Variants in SLC24A2 observed in about 807,000 individuals in gnomAD.
The protein encoded by SLC24A2 is sodium/potassium/calcium exchanger 2.
SLC24A2 carries 36 observed loss-of-function variants against 62.0 expected under a neutral mutation model. That is an observed-to-expected ratio of 0.58 (90% CI 0.44 to 0.77). SLC24A2 has a LOEUF of 0.77. Ranked by LOEUF, SLC24A2 falls within the 30% of genes least tolerant of loss-of-function variation. SLC24A2 has a pLI of 0.00. For synonymous variants in SLC24A2, 358 were observed against 294.0 expected (o/e 1.22, Z -2.23); for missense variants, 846 against 817.9 (o/e 1.03, Z -0.42).
the SLC24A2 span, among the ~76,000 whole-genome samples, chr9:20,000,581 C>T: frequency 2.6e-5 from 4 of 152,180 alleles, no homozygotes; most frequent in Admixed American, 2.6e-4. Flanking sequence ...ACAATAACTG[C>T]TGTAGGAGCT....
At chr9:19,738,608 C>T (rs887619980) in intron 2 of SLC24A2, among the ~76,000 whole-genome samples, 2 of 151,954 alleles carry the variant, frequency 1.3e-5, no homozygotes, top group Admixed American at 6.6e-5. Context: ...TTATTATTTT[C>T]AAATAAACTA....
At chr9:20,188,945 C>T in the SLC24A2 span, among the ~76,000 whole-genome samples, 150,471 of 152,310 alleles carry the variant, frequency 0.99, 74,342 homozygotes, top group Non-Finnish European at 1. Context: ...TTAATACAAG[C>T]AGGAAATCTG....
At chr9:20,008,521 T>C in the SLC24A2 span, among the ~76,000 whole-genome samples, 1 of 152,172 alleles carries the variant, frequency 6.6e-6, no homozygotes, top group South Asian at 2.1e-4. Context: ...CCTTTCCAGA[T>C]GAGGCAACTC....
chr9:19,634,219 T>C (rs1399746870), intron 2 of SLC24A2, among the ~76,000 whole-genome samples: 1 of 150,316 alleles, frequency 6.7e-6, no homozygotes, highest in Non-Finnish European at 1.5e-5. Flanking sequence ...CCCACAGCAA[T>C]ACAGGTAGTA....
At chr9:20,222,998 G>T in the SLC24A2 span, among the ~76,000 whole-genome samples, 3 of 151,948 alleles carry the variant, frequency 2.0e-5, no homozygotes, top group African/African-American at 4.8e-5. Context: ...TAGATGATAT[G>T]ATTATCTAGG....
chr9:20,209,206 C>A, the SLC24A2 span, among the ~76,000 whole-genome samples: 1 of 152,204 alleles, frequency 6.6e-6, no homozygotes, highest in East Asian at 1.9e-4. Flanking sequence ...TCAAATCAGT[C>A]AGGCTTCAAG....
chr9:19,510,703 A>G lies in SLC24A2; in HGVS notation c.*5450T>C, dbSNP rs1489323971. 1 of 152,208 alleles carries G rather than the reference A, an allele frequency of 6.6e-6. No homozygotes were observed. Among genetic ancestry groups the G allele is most frequent in the Admixed American group, 6.5e-5 (1 of 15,274 alleles). 9.4% of individuals were successfully genotyped at this position (152,208 alleles called of 1,614,324 possible). On this transcript the variant is annotated 3_prime_UTR_variant, in exon 11 of 11. Coordinates refer to ENST00000341998, the MANE Select transcript of SLC24A2 (RefSeq NM_020344.4). The stretch of plus-strand genomic sequence containing the variant: ...GACTTAGATATTTGTCTGTTTTTAA[A>G]GATTTTATTAGGTTTTCCAGTCTGT...
chr9:20,031,331 C>G, the SLC24A2 span, among the ~76,000 whole-genome samples: 2 of 131,118 alleles, frequency 1.5e-5, no homozygotes, highest in Non-Finnish European at 3.2e-5. Flanking sequence ...TGTGTGTGCC[C>G]ATATATATGT....
intron 2 of SLC24A2, among the ~76,000 whole-genome samples, chr9:19,647,050 ACACACACACACACGCGCG>A (rs61284784): frequency 0.096 from 6,113 of 63,402 alleles, 198 homozygotes; most frequent in East Asian, 0.21. Flanking sequence ...CTCTCTTTCC[ACACACACACACACGCGCG>A]CACACACACA....
chr9:19,866,048 G>A, the SLC24A2 span, among the ~76,000 whole-genome samples: 1 of 152,116 alleles, frequency 6.6e-6, no homozygotes, highest in African/African-American at 2.4e-5. Flanking sequence ...AGATTAGAAT[G>A]GACCTTTCTC....
At chr9:20,218,547 T>G in the SLC24A2 span, among the ~76,000 whole-genome samples, 1 of 152,144 alleles carries the variant, frequency 6.6e-6, no homozygotes, top group Non-Finnish European at 1.5e-5. Flanking sequence ...AGTGAGGGGT[T>G]TCTAAACTTG....
the SLC24A2 span, among the ~76,000 whole-genome samples, chr9:20,306,692 C>T: frequency 2.0e-5 from 3 of 152,044 alleles, no homozygotes; most frequent in Admixed American, 2.0e-4. Flanking sequence ...ATGTTATTTT[C>T]TTTTTTTGTT....
At chr9:19,694,270 T>C (rs1249285217) in intron 2 of SLC24A2, among the ~76,000 whole-genome samples, 1 of 152,136 alleles carries the variant, frequency 6.6e-6, no homozygotes, top group African/African-American at 2.4e-5. Context: ...CCCACTCAGT[T>C]TAAACGCTTT....
chr9:19,901,871 G>A, the SLC24A2 span, among the ~76,000 whole-genome samples: 1 of 152,164 alleles, frequency 6.6e-6, no homozygotes, highest in Non-Finnish European at 1.5e-5. Context: ...GGGGGACTGA[G>A]GTGGTGTTGG....
chr9:19,912,880 A>T, the SLC24A2 span, among the ~76,000 whole-genome samples: 1 of 152,154 alleles, frequency 6.6e-6, no homozygotes. Context: ...TGACATACAG[A>T]AACATTATAT....
At chr9:20,179,193 G>C in the SLC24A2 span, among the ~76,000 whole-genome samples, 1 of 152,074 alleles carries the variant, frequency 6.6e-6, no homozygotes, top group Admixed American at 6.6e-5. Context: ...ACGACTCTTG[G>C]GGCCCAAGGG....
chr9:19,755,802 G>A (rs533478374), intron 2 of SLC24A2, among the ~76,000 whole-genome samples: 13 of 152,284 alleles, frequency 8.5e-5, no homozygotes, highest in Admixed American at 2.0e-4. Flanking sequence ...ATTCCTAATC[G>A]TAAATTAATA....
the SLC24A2 span, among the ~76,000 whole-genome samples, chr9:19,829,834 C>T: frequency 3.0e-5 from 4 of 131,282 alleles, no homozygotes; most frequent in Non-Finnish European, 6.6e-5. Flanking sequence ...CACACACACA[C>T]ACACACATAT....
At chr9:20,206,766 A>G in the SLC24A2 span, among the ~76,000 whole-genome samples, 9 of 152,116 alleles carry the variant, frequency 5.9e-5, no homozygotes, top group Admixed American at 5.2e-4. Flanking sequence ...GGCGTGAGCC[A>G]CTTCGCCTGG....
Sources: allele counts gnomAD v4.1 joint callset (sites outside exome capture counted in the v4.1 genomes callset), GRCh38; gene constraint gnomAD v4.1.1; transcripts MANE v1.5; gene names NCBI Gene and HGNC (gene_info 2026-07-23, HGNC 2026-07-21).